Variants in SLC6A9 observed in about 807,000 individuals in gnomAD.
SLC6A9 encodes solute carrier family 6 member 9, also known as sodium- and chloride-dependent glycine transporter 1.
Under a neutral mutation model 70.9 loss-of-function variants are expected in SLC6A9, and 31 were observed. The ratio of observed to expected loss-of-function variants is 0.44; its 90% confidence interval spans 0.33 to 0.59. The LOEUF is 0.59. Ranked by LOEUF, SLC6A9 falls within the 20% of genes least tolerant of loss-of-function variation. The probability of loss-of-function intolerance (pLI) is 0.04; values close to 1 mark genes in which losing one functional copy is unlikely to be tolerated. For missense variants in SLC6A9, 631 were observed against 845.2 expected, an observed-to-expected ratio of 0.75 and a Z score of 3.14; for synonymous variants, 310 against 341.3, an observed-to-expected ratio of 0.91 and a Z score of 1.01.
Position 44,008,454 on chromosome 1 carries a change from G to C in SLC6A9, c.489C>G (p.Ser163=), listed in dbSNP as rs763497489. The C allele has an allele frequency of 7.4e-6, 12 of 1,614,060 alleles. No individual in the cohort carries two copies. In the Admixed American group the frequency reaches 1.5e-4, roughly 20 times the overall value. Reference sequence around the variant, plus strand: ...CTGGCCGAGAGCCATTGGTGAGGTTGGAGGCGTCCAGTACACCGGCGCAGT... The same window carrying C: ...CTGGCCGAGAGCCATTGGTGAGGTTCGAGGCGTCCAGTACACCGGCGCAGT... ...THDCAGVLDA[S]NLTNGSRPAA... Residue 163 remains serine (S), a synonymous_variant, in exon 5 of 14, where the codon TCC becomes TCG. Transcript: ENST00000372310.
chr1:44,011,356 C>A (rs992872519), intron 2 of SLC6A9, among the ~76,000 whole-genome samples: 2 of 152,144 alleles, frequency 1.3e-5, no homozygotes, highest in Non-Finnish European at 2.9e-5. Flanking sequence ...TGCCCCTGGG[C>A]AGGCGACTGC....
At chr1:43,998,227 T>C (rs1389476334) in intron 12 of SLC6A9, among the ~76,000 whole-genome samples, 1 of 152,200 alleles carries the variant, frequency 6.6e-6, no homozygotes, top group African/African-American at 2.4e-5. Context: ...GGGAAGGCTC[T>C]GCGGAAGGGA....
At chr1:44,000,739 G>C in intron 12 of SLC6A9, 28 bp downstream of exon 12, 1 of 1,458,016 alleles carries the variant, frequency 6.9e-7, no homozygotes, top group Non-Finnish European at 9.5e-7. Context: ...GGCAGCGGGG[G>C]AAGGGAGGGG....
chr1:43,998,268 G>A (rs1201036588), intron 12 of SLC6A9, among the ~76,000 whole-genome samples: 1 of 152,200 alleles, frequency 6.6e-6, no homozygotes, highest in African/African-American at 2.4e-5. Flanking sequence ...TCCTGAACTG[G>A]CCAAGCACAG....
Position 44,002,965 on chromosome 1 carries a change from G to A in SLC6A9, c.611C>T (p.Ser204Leu). 1 of 1,614,128 alleles carries A rather than the reference G, an allele frequency of 6.2e-7. No homozygotes were observed. Among genetic ancestry groups the A allele is most frequent in the South Asian group, 1.1e-5 (1 of 91,072 alleles). Residue 204 changes from serine (S) to leucine (L), a missense_variant, in exon 6 of 14, where the codon TCA (serine) becomes TTA (leucine). Transcript: ENST00000372310. This position sits in a 1 kb window ranked among gnomAD's most constrained non-coding sequence, Gnocchi z 5.5. ...EYWRLYVLKL[S>L]DDIGNFGEVR... The stretch of plus-strand genomic sequence containing the variant: ...CTCCCCAAAGTTCCCAATGTCATCT[G>A]ACAGCTTCAGCACGTACAGCCTGGG...
chr1:44,001,717 G>C (rs1410475203), intron 8 of SLC6A9, 90 bp from the exon 9 acceptor site: 3 of 956,320 alleles, frequency 3.1e-6, no homozygotes, highest in East Asian at 2.4e-5. Flanking sequence ...AGGTACAAAG[G>C]CACCCCCAAC....
At chr1:44,017,026 A>G (rs1353699099) in intron 2 of SLC6A9, 1 of 1,563,244 alleles carries the variant, frequency 6.4e-7, no homozygotes, top group East Asian at 2.5e-5. Flanking sequence ...AGGGGGCTCA[A>G]CTTCCTGGAA....
intron 4 of SLC6A9, among the ~76,000 whole-genome samples, chr1:44,009,019 C>CTTT (rs35340201): frequency 1.9e-3 from 134 of 71,746 alleles, no homozygotes; most frequent in Middle Eastern, 0.016. Flanking sequence ...CGCGCCCGGC[C>CTTT]TTTTTTTTTT....
intron 2 of SLC6A9, 117 bp from the exon 3 acceptor site, chr1:44,010,999 C>G: frequency 9.3e-7 from 1 of 1,070,422 alleles, no homozygotes. Context: ...CCGGGCTTCC[C>G]CTCTGCTGGC....
At position 44,011,625 on chromosome 1, in the gene SLC6A9, T is replaced by C. The variant is rs1160368884; in HGVS notation, c.31-743A>G. The C allele has an allele frequency of 6.2e-6, 10 of 1,613,892 alleles. No individual in the cohort carries two copies. In the African/African-American group the frequency reaches 1.1e-4, roughly 17 times the overall value. ...AAGGAGACCAGAGTTGTAGGCCCCA[T>C]GCCAGACTTTGAGGACAGACTCTGC... On this transcript the variant is annotated intron_variant, in intron 2 of 13. Transcript: ENST00000372310.
In SLC6A9 at chr1:43,997,757, G is replaced by A; in HGVS notation, c.1708-18C>T. The A allele has an allele frequency of 6.3e-7, 1 of 1,598,166 alleles. No homozygotes were observed. Among genetic ancestry groups the A allele is most frequent in the Non-Finnish European group, 8.5e-7 (1 of 1,171,428 alleles). On this transcript the variant is annotated intron_variant, in intron 13 of 13. Transcript: ENST00000372310. This position sits in a 1 kb window ranked among gnomAD's most constrained non-coding sequence, Gnocchi z 4.4. ...TTCAAACGCTGCATGAGGTAGGCAT[G>A]GGGCACAGGGGCAGGGCACGTCAGG...
chr1:44,001,269 G>T lies in SLC6A9; in HGVS notation c.1230C>A (p.Ala410=), dbSNP rs1204736639. The T allele has an allele frequency of 6.2e-7, 1 of 1,614,224 alleles. No individual in the cohort carries two copies. Among genetic ancestry groups the T allele is most frequent in the Non-Finnish European group, 8.5e-7 (1 of 1,180,048 alleles). The change falls in exon 10 of 14, where the codon GCC becomes GCA. Residue 410 remains alanine (A), a synonymous_variant. Coordinates refer to ENST00000372310, the MANE Select transcript of SLC6A9 (RefSeq NM_001024845.3). ...ACTCATTCCCCACCTCATCCACAAT[G>T]GCTGTGACCAGCGTCTCCAGGAGGC... ...QFCLLETLVT[A]IVDEVGNEWI...
chr1:44,006,105 G>A (rs1234756809), intron 5 of SLC6A9, among the ~76,000 whole-genome samples: 1 of 152,188 alleles, frequency 6.6e-6, no homozygotes, highest in Non-Finnish European at 1.5e-5. Flanking sequence ...GTGTTTCTGG[G>A]AGCTTCCAGA....
intron 2 of SLC6A9, chr1:44,011,502 G>A (rs2154306163): frequency 2.1e-6 from 3 of 1,458,198 alleles, no homozygotes; most frequent in Non-Finnish European, 2.9e-6. Flanking sequence ...CTCTAGGTGG[G>A]AGGGTCCGGG....
chr1:44,001,767 G>A (rs910298506), intron 8 of SLC6A9, 140 bp from the exon 9 acceptor site: 3 of 687,684 alleles, frequency 4.4e-6, no homozygotes, highest in Non-Finnish European at 7.7e-6. Context: ...TCACTCTGTT[G>A]TCCAGGATGG....
At chr1:44,014,456 T>TAC (rs144840170) in intron 2 of SLC6A9, among the ~76,000 whole-genome samples, 26 of 150,248 alleles carry the variant, frequency 1.7e-4, no homozygotes, top group African/African-American at 5.1e-4. Flanking sequence ...TATACACCCA[T>TAC]ACACACACAC....
At chr1:44,020,835 G>A (rs1185331490) in intron 2 of SLC6A9, among the ~76,000 whole-genome samples, 1 of 152,234 alleles carries the variant, frequency 6.6e-6, no homozygotes, top group Non-Finnish European at 1.5e-5. Context: ...CTGGCGGCCT[G>A]TGGTGCTTGC....
At chr1:44,003,523 G>A (rs1433710837) in intron 5 of SLC6A9, among the ~76,000 whole-genome samples, 4 of 152,258 alleles carry the variant, frequency 2.6e-5, no homozygotes, top group South Asian at 2.1e-4. Context: ...TTGGGAGGCC[G>A]TGGTGGGTGG....
chr1:44,030,080 C>CT (rs903276354), intron 1 of SLC6A9, among the ~76,000 whole-genome samples: 31 of 152,092 alleles, frequency 2.0e-4, no homozygotes, highest in Admixed American at 2.0e-3. Context: ...TTGCGGAGAG[C>CT]AGGCCCGAAA....
Sources: allele counts gnomAD v4.1 joint callset (sites outside exome capture counted in the v4.1 genomes callset), GRCh38; gene constraint gnomAD v4.1.1; non-coding constraint Gnocchi (gnomAD v3.1); transcripts MANE v1.5; gene names NCBI Gene and HGNC (gene_info 2026-07-23, HGNC 2026-07-21).